HM13: variants seen among roughly 807,000 people sequenced by gnomAD.
The protein encoded by HM13 is histocompatibility minor 13, also known as signal peptide peptidase.
A neutral mutation model predicts 50.0 loss-of-function variants in HM13; 18 were observed. The ratio of observed to expected loss-of-function variants is 0.36; its 90% CI spans 0.25 to 0.53. The LOEUF (loss-of-function observed/expected upper bound fraction) is 0.53, where lower values mean the gene tolerates loss of function less well. Ranked by LOEUF, HM13 falls within the 20% of genes least tolerant of loss-of-function variation. The pLI, the probability that HM13 is intolerant of heterozygous loss-of-function variation, is 0.90. For missense variants in HM13, 393 were observed against 552.4 expected (o/e 0.71, Z 2.89); for synonymous variants, 197 against 232.6 (o/e 0.85, Z 1.39).
chr20:31,533,505 A>C (rs1267780560), intron 2 of HM13, among the ~76,000 whole-genome samples: 3 of 152,032 alleles, frequency 2.0e-5, no homozygotes, highest in African/African-American at 7.2e-5. Context: ...ACTTCGTCTC[A>C]AAAAAAACAA....
At chr20:31,554,600 T>C (rs1475738711) in intron 7 of HM13, 146 bp from the exon 8 acceptor site, 2 of 609,832 alleles carry the variant, frequency 3.3e-6, no homozygotes, top group African/African-American at 3.8e-5. Context: ...GAGAATGGCA[T>C]GAACCCAGGA....
Position 31,538,490 on chromosome 20 carries a change from C to T in HM13, c.365+229C>T, listed in dbSNP as rs200696305. 110 of 1,407,594 alleles carry T rather than the reference C, an allele frequency of 7.8e-5. 1 individual carries two copies. The East Asian group carries it at 2.7e-3, about 35-fold the overall frequency. 87.2% of individuals were successfully genotyped at this position (1,407,594 alleles called of 1,614,324 possible). Reference sequence around the variant, plus strand: ...GATGAGGATCTGGTGGGTGTTTCCACCACCACAGCTGTTGGGAAAGTGATT... The same window carrying T: ...GATGAGGATCTGGTGGGTGTTTCCATCACCACAGCTGTTGGGAAAGTGATT... On this transcript the variant is annotated intron_variant, in intron 3 of 12. Transcript: ENST00000398174.
intron 10 of HM13, among the ~76,000 whole-genome samples, chr20:31,565,481 C>CAA (rs549803053): frequency 0.33 from 29,561 of 89,588 alleles, 5,458 homozygotes; most frequent in African/African-American, 0.59. Context: ...GACTCTGTCT[C>CAA]AAAAAAAAAA....
At chr20:31,560,598 T>G (rs915567755) in intron 9 of HM13, among the ~76,000 whole-genome samples, 2 of 152,230 alleles carry the variant, frequency 1.3e-5, no homozygotes, top group Non-Finnish European at 2.9e-5. Context: ...CAGCCGTCTC[T>G]ACTCCTGGCT....
intron 1 of HM13, among the ~76,000 whole-genome samples, chr20:31,525,093 G>C (rs986173505): frequency 6.6e-6 from 1 of 152,108 alleles, no homozygotes; most frequent in African/African-American, 2.4e-5. Flanking sequence ...TCCCGAAAAG[G>C]CTGGACAGGT....
Position 31,544,974 on chromosome 20 carries a change from C to G in HM13, c.393C>G (p.Ala131=). 6.2e-7 allele frequency: 1 copy of G among 1,614,194 alleles called. No individual in the cohort carries two copies. Among genetic ancestry groups the G allele is most frequent in the Non-Finnish European group, 8.5e-7 (1 of 1,180,016 alleles). ...ISPFMNKFFP[A]SFPNRQYQLL... ...CCTTCATGAATAAGTTTTTTCCAGC[C>G]AGCTTTCCAAATCGACAGTACCAGC... Residue 131 remains alanine, a synonymous_variant, in exon 4 of 13, where the codon GCC becomes GCG. Coordinates refer to ENST00000398174, the MANE Select transcript of HM13 (RefSeq NM_178581.3).
rs187180327 is a variant in HM13 at position 31,539,278 on chromosome 20, T to C, written c.365+1017T>C. 7.1e-6 allele frequency: 7 copies of C among 985,476 alleles called. No individual in the cohort carries two copies. The African/African-American group carries it at 8.7e-5, about 12-fold the overall frequency. 61.0% of individuals were successfully genotyped at this position (985,476 alleles called of 1,614,324 possible). A position where few individuals can be genotyped will look rare whatever the true frequency, so the allele number is the denominator to read the frequency against. ...TCCCCAGCTTGTGACTACAGAGATG[T>C]CCCAGTATGTTTCTTTCTGCCCCGT... On this transcript the variant is annotated intron_variant, in intron 3 of 12. Transcript: ENST00000398174.
intron 2 of HM13, 142 bp from the exon 3 acceptor site, chr20:31,538,037 C>A: frequency 1.2e-6 from 1 of 839,742 alleles, no homozygotes; most frequent in Non-Finnish European, 1.8e-6. Context: ...TAGAATGCCA[C>A]TAGTATTGTC....
intron 2 of HM13, among the ~76,000 whole-genome samples, chr20:31,530,006 T>C (rs1982717538): frequency 1.3e-5 from 2 of 151,510 alleles, no homozygotes. Context: ...AATATGTACA[T>C]GTAGGCCTGG....
Position 31,527,573 on chromosome 20 carries a change from C to G in HM13, c.273C>G (p.Leu91=). ...GCTGCACACTCTTGGGGCTCTACCTCTTTTTCAAAGTAAGTCTTTTGCCAC... is the reference window on the plus strand; with the variant it reads ...GCTGCACACTCTTGGGGCTCTACCTGTTTTTCAAAGTAAGTCTTTTGCCAC... ...IASCTLLGLY[L]FFKIFSQEYI... is the part of the protein sequence containing the mutation. The change falls in exon 2 of 13, where the codon CTC becomes CTG. Residue 91 remains leucine (L), a synonymous_variant. Transcript: ENST00000398174. 1 of 1,611,038 alleles carries G rather than the reference C, an allele frequency of 6.2e-7. No individual in the cohort carries two copies. The highest frequency in any genetic ancestry group is 8.5e-7 in the Non-Finnish European group (1 of 1,178,250).
intron 2 of HM13, among the ~76,000 whole-genome samples, chr20:31,529,053 T>G (rs1982658113): frequency 6.6e-6 from 1 of 152,254 alleles, no homozygotes. Flanking sequence ...CAGCCTGGAG[T>G]GCACTGGTGC....
At chr20:31,540,782 G>A (rs6059870) in intron 3 of HM13, 46,564 of 151,848 alleles carry the variant, frequency 0.31, 11,729 homozygotes, top group African/African-American at 0.7. Flanking sequence ...CCTGAGGTCA[G>A]GAGTTCAAGA....
intron 2 of HM13, among the ~76,000 whole-genome samples, chr20:31,537,033 G>A (rs1267549674): frequency 6.6e-6 from 1 of 152,352 alleles, no homozygotes; most frequent in African/African-American, 2.4e-5. Flanking sequence ...ATCAGTATGG[G>A]CTGAATTACT....
chr20:31,559,760 C>T lies in HM13; in HGVS notation c.845+113C>T, dbSNP rs1345111802. On this transcript the variant is annotated intron_variant, in intron 9 of 12. Transcript: ENST00000398174. Reference sequence around the variant, plus strand: ...CCAGACCCTCCACCCCCACAGCAGCCAGAGCAATTCTGATTTTATCTGCAT... The same window carrying T: ...CCAGACCCTCCACCCCCACAGCAGCTAGAGCAATTCTGATTTTATCTGCAT... The T allele has an allele frequency of 3.2e-6, 3 of 943,378 alleles. No homozygotes were observed. The East Asian group carries it at 7.2e-5, about 23-fold the overall frequency. 58.4% of individuals were successfully genotyped at this position (943,378 alleles called of 1,614,324 possible). A position where few individuals can be genotyped will look rare whatever the true frequency, so the allele number is the denominator to read the frequency against.
At chr20:31,560,672 C>G (rs1984551524) in intron 9 of HM13, among the ~76,000 whole-genome samples, 2 of 152,208 alleles carry the variant, frequency 1.3e-5, no homozygotes, top group Admixed American at 1.3e-4. Flanking sequence ...GAGACAGATT[C>G]AACTGCCAGC....
intron 3 of HM13, among the ~76,000 whole-genome samples, chr20:31,544,412 C>T (rs764138193): frequency 6.6e-6 from 1 of 152,206 alleles, no homozygotes; most frequent in Non-Finnish European, 1.5e-5. Context: ...GGTGATCCTG[C>T]CCAGGGGCTA....
rs1985110107 is a variant in HM13 at position 31,569,098 on chromosome 20, TTG to T, written c.1182-20_1182-19del. On this transcript the variant is annotated intron_variant, in intron 12 of 12. Transcript: ENST00000398174. ...CTCTCCTCTAAATGAATTTTTATTG[TTG>T]TTTTTTTTTTTTTGGTCAGTTATGA... is the stretch of plus-strand genomic sequence containing the variant. 8.1e-6 allele frequency: 12 copies of T among 1,482,002 alleles called. No homozygotes were observed. Among genetic ancestry groups the T allele is most frequent in the Admixed American group, 2.1e-5 (1 of 47,288 alleles). 91.8% of individuals were successfully genotyped at this position (1,482,002 alleles called of 1,614,324 possible). A position where few individuals can be genotyped will look rare whatever the true frequency, so the allele number is the denominator to read the frequency against.
intron 2 of HM13, among the ~76,000 whole-genome samples, chr20:31,530,268 C>T (rs1329520777): frequency 2.0e-5 from 3 of 152,112 alleles, no homozygotes; most frequent in African/African-American, 7.2e-5. Context: ...CCATAATCCT[C>T]TCCCCAATAC....
intron 8 of HM13, among the ~76,000 whole-genome samples, chr20:31,555,291 C>A (rs762085446): frequency 2.6e-5 from 4 of 152,240 alleles, no homozygotes; most frequent in Admixed American, 6.5e-5. Context: ...GCCAAGACAT[C>A]TCCAGGGAGA....
Sources: allele counts gnomAD v4.1 joint callset (sites outside exome capture counted in the v4.1 genomes callset), GRCh38; gene constraint gnomAD v4.1.1; transcripts MANE v1.5; gene names NCBI Gene and HGNC (gene_info 2026-07-23, HGNC 2026-07-21).